The following DPP9 variants were observed in gnomAD, a reference collection of about 807,000 sequenced individuals.
DPP9 encodes the protein dipeptidyl peptidase IV-related protein-2.
DPP9 carries 50 observed loss-of-function variants against 110.7 expected under a neutral mutation model. That is an observed-to-expected ratio of 0.45 (90% CI 0.36 to 0.57). The LOEUF is 0.57. DPP9 is among the 20% of genes least tolerant of loss of function. The pLI, the probability that DPP9 is intolerant of heterozygous loss-of-function variation, is 0.00. For synonymous variants in DPP9, 561 were observed against 514.4 expected (o/e 1.09, Z -1.23); for missense variants, 1,022 against 1,217.9 (o/e 0.84, Z 2.39).
At chr19:4,683,381 T>C (rs1599867667) in intron 19 of DPP9, 96 bp downstream of exon 19, 4 of 1,553,086 alleles carry the variant, frequency 2.6e-6, no homozygotes, top group Non-Finnish European at 3.5e-6. Flanking sequence ...CCCCGGTAGG[T>C]GGGCTCCGGG....
chr19:4,714,306 T>C lies in DPP9; in HGVS notation c.88A>G (p.Met30Val). ...GCCGTTGGGGTCCCGGTGGTGGCCA[T>C]CCTCTCAGCCCCCTCGGAATTCAGC... is the stretch of plus-strand genomic sequence containing the variant. ...FSLNSEGAER[M>V]ATTGTPTADR... The change falls in exon 4 of 22, where the codon ATG (methionine) becomes GTG (valine). Residue 30 changes from methionine to valine, a missense_variant. Met to Val is a conservative substitution (Grantham distance 21). Coordinates refer to ENST00000262960, the MANE Select transcript of DPP9 (RefSeq NM_139159.5). The C allele has an allele frequency of 6.5e-7, 1 of 1,532,796 alleles. No homozygotes were observed. The highest frequency in any genetic ancestry group is 8.8e-7 in the Non-Finnish European group (1 of 1,142,774). 94.9% of individuals were successfully genotyped at this position (1,532,796 alleles called of 1,614,324 possible). A position where few individuals can be genotyped will look rare whatever the true frequency, so the allele number is the denominator to read the frequency against.
At position 4,689,025 on chromosome 19, in the gene DPP9, A is replaced by C; in HGVS notation, c.1750-133T>G. On this transcript the variant is annotated intron_variant, in intron 15 of 21. Transcript: ENST00000262960. The surrounding 1 kb of genome is among the most constrained non-coding windows in gnomAD (Gnocchi z 7.0). ...CTGCCCCTGCCTGTCATGAAACCTC[A>C]AAGCTCCACCCGCTGCTGCAAGGGG... The C allele has an allele frequency of 1.0e-5, 11 of 1,057,320 alleles. No individual in the cohort carries two copies. The highest frequency in any genetic ancestry group is 2.6e-5 in the African/African-American group (1 of 38,502). 65.5% of individuals were successfully genotyped at this position (1,057,320 alleles called of 1,614,324 possible).
chr19:4,689,506 G>C lies in DPP9; in HGVS notation c.1749+64C>G. The stretch of plus-strand genomic sequence containing the variant: ...CTGAGTGCTGTGCCGGGCCATGAGG[G>C]ACTGCTCTGGCTGGGAGCTGTTGGA... On this transcript the variant is annotated intron_variant, in intron 15 of 21. Transcript: ENST00000262960. The surrounding 1 kb of genome is among the most constrained non-coding windows in gnomAD (Gnocchi z 7.0). 1 of 1,520,032 alleles carries C rather than the reference G, an allele frequency of 6.6e-7. No individual in the cohort carries two copies. The allele number at this position is 1,520,032 out of a possible 1,614,324, so 94.2% of individuals were successfully genotyped here. A position where few individuals can be genotyped will look rare whatever the true frequency, so the allele number is the denominator to read the frequency against.
chr19:4,676,210 T>G lies in DPP9; in HGVS notation c.*354A>C. ...CTGGCCGGGCCAGGGGACTGAGAGG[T>G]CACAGGGAGCCCCAGGCGGAAGGCA... On this transcript the variant is annotated 3_prime_UTR_variant, in exon 22 of 22. Transcript: ENST00000262960. This position sits in a 1 kb window ranked among gnomAD's most constrained non-coding sequence, Gnocchi z 4.0. 3.8e-6 allele frequency: 1 copy of G among 265,276 alleles called. No homozygotes were observed. Among genetic ancestry groups the G allele is most frequent in the South Asian group, 5.8e-5 (1 of 17,242 alleles). The allele number at this position is 265,276 out of a possible 1,614,324, so 16.4% of individuals were successfully genotyped here.
chr19:4,715,585 C>G (rs1014497552), intron 3 of DPP9: 1 of 152,124 alleles, frequency 6.6e-6, no homozygotes, highest in Non-Finnish European at 1.5e-5. Context: ...GAATGATTAT[C>G]TCTCAGTGGG....
At chr19:4,680,221 T>G (rs1599858508) in intron 20 of DPP9, among the ~76,000 whole-genome samples, 4 of 118,296 alleles carry the variant, frequency 3.4e-5, no homozygotes, top group Admixed American at 1.1e-4. Context: ...GGGCGACAGA[T>G]GGAGACAGCA....
At chr19:4,705,316 T>C (rs1392388217) in intron 5 of DPP9, among the ~76,000 whole-genome samples, 4 of 152,178 alleles carry the variant, frequency 2.6e-5, no homozygotes, top group African/African-American at 9.7e-5. Context: ...CTTGCCCTCC[T>C]GGGTTCAAGA....
rs766510938 is a variant in DPP9 at position 4,694,868 on chromosome 19, C to G, written c.1354-45G>C. The G allele has an allele frequency of 6.3e-7, 1 of 1,599,330 alleles. No homozygotes were observed. On this transcript the variant is annotated intron_variant, in intron 12 of 21. Transcript: ENST00000262960. The surrounding 1 kb of genome is among the most constrained non-coding windows in gnomAD (Gnocchi z 4.0). Reference sequence around the variant, plus strand: ...AAGATGCGTCAGAAGGTGTGGGTGGCCGGGCATGGTGGCTCACACCAGTAA... The same window carrying G: ...AAGATGCGTCAGAAGGTGTGGGTGGGCGGGCATGGTGGCTCACACCAGTAA...
chr19:4,697,950 A>G (rs1055407246), intron 10 of DPP9, among the ~76,000 whole-genome samples: 2 of 152,144 alleles, frequency 1.3e-5, no homozygotes, highest in African/African-American at 4.8e-5. Flanking sequence ...ACAGGAAGCA[A>G]CGGCCACCAA....
Position 4,714,192 on chromosome 19 carries a change from G to T in DPP9, c.202C>A (p.His68Asn). 6.2e-7 allele frequency: 1 copy of T among 1,610,576 alleles called. No homozygotes were observed. Among genetic ancestry groups the T allele is most frequent in the South Asian group, 1.1e-5 (1 of 90,556 alleles). The change falls in exon 4 of 22, where the codon CAC (histidine) becomes AAC (asparagine). Residue 68 changes from histidine (H) to asparagine (N), a missense_variant. Coordinates refer to ENST00000262960, the MANE Select transcript of DPP9 (RefSeq NM_139159.5). Reference sequence around the variant, plus strand: ...AGGCCCGAGTACTTGCGGCTGCCGTGGATGATGCTCCGGAGCCCGTCCCAC... The same window carrying T: ...AGGCCCGAGTACTTGCGGCTGCCGTTGATGATGCTCCGGAGCCCGTCCCAC... ...HSWDGLRSII[H>N]GSRKYSGLIV...
chr19:4,676,582 A>G lies in DPP9; in HGVS notation c.2661T>C (p.Phe887=), dbSNP rs2088854136. The G allele has an allele frequency of 6.2e-7, 1 of 1,605,026 alleles. No homozygotes were observed. Among genetic ancestry groups the G allele is most frequent in the Non-Finnish European group, 8.5e-7 (1 of 1,176,006 alleles). ...GGCAGGCTCAGAGGTATTCCTGTAG[A>G]AAGTGCAGCAACGTGACTTCATAGT... ...GEHYEVTLLH[F]LQEYL is the part of the protein sequence containing the mutation. Residue 887 remains phenylalanine (F), a synonymous_variant, in exon 22 of 22, where the codon TTT becomes TTC. Coordinates refer to ENST00000262960, the MANE Select transcript of DPP9 (RefSeq NM_139159.5). This position sits in a 1 kb window ranked among gnomAD's most constrained non-coding sequence, Gnocchi z 4.0.
chr19:4,687,086 G>A lies in DPP9; in HGVS notation c.1886-1315C>T, dbSNP rs918704236. 1.3e-5 allele frequency among the ~76,000 whole-genome samples: 2 copies of A among 152,134 alleles called. No homozygotes were observed. Among genetic ancestry groups the A allele is most frequent in the Non-Finnish European group, 2.9e-5 (2 of 68,020 alleles). On this transcript the variant is annotated intron_variant, in intron 16 of 21. Coordinates refer to ENST00000262960, the MANE Select transcript of DPP9 (RefSeq NM_139159.5). The surrounding 1 kb of genome is among the most constrained non-coding windows in gnomAD (Gnocchi z 4.7). ...ACTGCTAGGCTGGGTGCCCTGCTGA[G>A]CCCCTTCCCCTCCCTGACCCATCTC...
intron 10 of DPP9, among the ~76,000 whole-genome samples, chr19:4,697,861 C>G (rs1296993257): frequency 6.6e-6 from 1 of 152,122 alleles, no homozygotes; most frequent in Non-Finnish European, 1.5e-5. Flanking sequence ...AGGGTGGGCC[C>G]TGATCCAGCA....
In DPP9 at chr19:4,694,810, A is replaced by C; in HGVS notation, c.1367T>G (p.Phe456Cys). 1 of 1,613,808 alleles carries C rather than the reference A, an allele frequency of 6.2e-7. No individual in the cohort carries two copies. Among genetic ancestry groups the C allele is most frequent in the Non-Finnish European group, 8.5e-7 (1 of 1,179,846 alleles). ...TCCCTCTGATTGGGGGAAGGGATAG[A>C]AGATGTCATGAACCTGTCCGGAAAG... ...TNVWINVHDI[F>C]YPFPQSEGED... Residue 456 changes from phenylalanine to cysteine, a missense_variant, in exon 13 of 22, where the codon TTC becomes TGC. By Grantham distance (205) the Phe-to-Cys change is radical. Transcript: ENST00000262960. This position sits in a 1 kb window ranked among gnomAD's most constrained non-coding sequence, Gnocchi z 4.0.
At chr19:4,715,611 G>C (rs1017062748) in intron 3 of DPP9, 5 of 152,262 alleles carry the variant, frequency 3.3e-5, no homozygotes, top group African/African-American at 4.8e-5. Flanking sequence ...GGGGAGACAT[G>C]CTGGGTCTCG....
At chr19:4,716,494 G>A (rs139545231) in intron 3 of DPP9, among the ~76,000 whole-genome samples, 5,299 of 152,044 alleles carry the variant, frequency 0.035, 354 homozygotes, top group African/African-American at 0.12. Context: ...AAAATTAGCC[G>A]GGCGTGGTAG....
At chr19:4,696,758 A>T (rs1310067704) in intron 11 of DPP9, among the ~76,000 whole-genome samples, 3 of 152,162 alleles carry the variant, frequency 2.0e-5, no homozygotes, top group East Asian at 3.9e-4. Flanking sequence ...AAAAAAAAAA[A>T]TTAAAATATT....
chr19:4,714,073 CG>C lies in DPP9; in HGVS notation c.313+7del. On this transcript the variant is annotated splice_region_variant and intron_variant, in intron 4 of 21. Coordinates refer to ENST00000262960, the MANE Select transcript of DPP9 (RefSeq NM_139159.5). ...CCCCGCCCAAGCAGCCTGCAGGGCC[CG>C]GCTTACCCAGGTAGTAGAGGCGGTG... 6.2e-7 allele frequency: 1 copy of C among 1,605,156 alleles called. No homozygotes were observed. Among genetic ancestry groups the C allele is most frequent in the Non-Finnish European group, 8.5e-7 (1 of 1,175,042 alleles).
At chr19:4,714,811 C>G (rs1056815525) in intron 3 of DPP9, among the ~76,000 whole-genome samples, 1 of 151,968 alleles carries the variant, frequency 6.6e-6, no homozygotes, top group African/African-American at 2.4e-5. Flanking sequence ...GTTCTCACCA[C>G]CACCTCAAGG....
Sources: gnomAD v4.1 joint callset for allele counts (sites outside exome capture counted in the v4.1 genomes callset) on GRCh38, gnomAD v4.1.1 for gene constraint, Gnocchi (gnomAD v3.1) non-coding constraint, MANE v1.5 for transcripts, NCBI Gene and HGNC (gene_info 2026-07-23, HGNC 2026-07-21) for gene names.